TCF12: variants seen among roughly 807,000 people sequenced by gnomAD.
TCF12 encodes the protein DNA-binding protein HTF4.
TCF12 carries 45 observed loss-of-function variants against 86.0 expected under a neutral mutation model. The observed-to-expected ratio is 0.52, with a 90% CI of 0.41 to 0.67. The LOEUF (loss-of-function observed/expected upper bound fraction) is 0.67, where lower values mean the gene tolerates loss of function less well. TCF12 is among the 30% of genes least tolerant of loss of function. The pLI, the probability that TCF12 is intolerant of heterozygous loss-of-function variation, is 0.00. For missense variants in TCF12, 881 were observed against 859.9 expected, an observed-to-expected ratio of 1.02 and a Z score of -0.31; for synonymous variants, 330 against 299.6, an observed-to-expected ratio of 1.10 and a Z score of -1.05.
At chr15:56,951,699 G>A (rs1242315524) in intron 3 of TCF12, among the ~76,000 whole-genome samples, 1 of 152,118 alleles carries the variant, frequency 6.6e-6, no homozygotes, top group African/African-American at 2.4e-5. Context: ...GCTCAGGCTG[G>A]AGTGCAATGG....
chr15:57,179,175 C>CT (rs1439048412), intron 6 of TCF12, among the ~76,000 whole-genome samples: 4 of 152,008 alleles, frequency 2.6e-5, no homozygotes, highest in East Asian at 1.9e-4. Context: ...AGTTTATTTT[C>CT]TTTTTTTGTG....
chr15:57,182,543 A>G (rs1294076217), intron 6 of TCF12, among the ~76,000 whole-genome samples: 5 of 152,110 alleles, frequency 3.3e-5, no homozygotes, highest in African/African-American at 9.7e-5. Flanking sequence ...AATTTTTTCT[A>G]TATTTACTTT....
intron 5 of TCF12, among the ~76,000 whole-genome samples, chr15:57,132,141 C>A (rs765448846): frequency 6.6e-6 from 1 of 152,026 alleles, no homozygotes; most frequent in African/African-American, 2.4e-5. Flanking sequence ...ACAGAGCAAG[C>A]CCCCTCACTA....
intron 4 of TCF12, among the ~76,000 whole-genome samples, chr15:57,087,840 G>A (rs757043637): frequency 1.3e-5 from 2 of 152,132 alleles, no homozygotes; most frequent in African/African-American, 4.8e-5. Context: ...TGGCTAAAAG[G>A]CTGGTGTAAT....
intron 3 of TCF12, among the ~76,000 whole-genome samples, chr15:56,957,677 AATTG>A (rs1312432487): frequency 4.6e-5 from 7 of 152,132 alleles, no homozygotes; most frequent in South Asian, 2.1e-4. Flanking sequence ...GCTTAGATTT[AATTG>A]ATTAATTTTG....
chr15:57,248,114 T>C, intron 13 of TCF12: 1 of 702,350 alleles, frequency 1.4e-6, no homozygotes, highest in Middle Eastern at 2.3e-4. Flanking sequence ...TTTGAGAGTC[T>C]TTTAAAAATT....
At chr15:56,996,449 AAGAATGAAAC>A (rs1303883393) in intron 3 of TCF12, among the ~76,000 whole-genome samples, 1 of 152,224 alleles carries the variant, frequency 6.6e-6, no homozygotes, top group African/African-American at 2.4e-5. Context: ...CCATATGTAG[AAGAATGAAAC>A]TAGACCCCTA....
At chr15:57,138,407 A>C (rs1378650367) in intron 5 of TCF12, among the ~76,000 whole-genome samples, 1 of 152,174 alleles carries the variant, frequency 6.6e-6, no homozygotes, top group African/African-American at 2.4e-5. Context: ...CCTGTTAACC[A>C]TTCCTGGCTT....
chr15:57,274,675 C>T (rs1419837040), intron 19 of TCF12, among the ~76,000 whole-genome samples: 1 of 152,106 alleles, frequency 6.6e-6, no homozygotes, highest in African/African-American at 2.4e-5. Flanking sequence ...TACACTCATC[C>T]TCCTCTTCTT....
At chr15:56,930,588 T>C (rs1752542964) in intron 3 of TCF12, among the ~76,000 whole-genome samples, 1 of 152,218 alleles carries the variant, frequency 6.6e-6, no homozygotes, top group Non-Finnish European at 1.5e-5. Flanking sequence ...ATGTTGAATC[T>C]CTTGATAGGA....
intron 4 of TCF12, among the ~76,000 whole-genome samples, chr15:57,073,893 C>T (rs1317729294): frequency 2.0e-5 from 3 of 152,024 alleles, no homozygotes; most frequent in African/African-American, 4.8e-5. Context: ...GGACTACAGG[C>T]GCCCACCACC....
chr15:57,064,378 A>G (rs1323871781), intron 4 of TCF12, among the ~76,000 whole-genome samples: 1 of 152,204 alleles, frequency 6.6e-6, no homozygotes, highest in Non-Finnish European at 1.5e-5. Context: ...AACAAAAACA[A>G]AAACAAAAAA....
intron 18 of TCF12, 93 bp downstream of exon 18, chr15:57,263,367 C>A: frequency 7.7e-7 from 1 of 1,304,388 alleles, no homozygotes; most frequent in Non-Finnish European, 1.1e-6. Context: ...TAACTGTCAG[C>A]TATGTTCTAG....
At chr15:56,984,550 A>G (rs920717737) in intron 3 of TCF12, among the ~76,000 whole-genome samples, 30 of 152,186 alleles carry the variant, frequency 2.0e-4, no homozygotes, top group Non-Finnish European at 4.4e-4. Context: ...GTACCGTACA[A>G]AATAATGGTA....
intron 3 of TCF12, among the ~76,000 whole-genome samples, chr15:56,944,244 G>T (rs983686247): frequency 6.6e-6 from 1 of 152,076 alleles, no homozygotes; most frequent in East Asian, 1.9e-4. Context: ...ACTTTATCTT[G>T]TCTCTTGCAG....
intron 3 of TCF12, among the ~76,000 whole-genome samples, chr15:56,947,134 A>T (rs776424151): frequency 6.6e-6 from 1 of 152,154 alleles, no homozygotes; most frequent in African/African-American, 2.4e-5. Flanking sequence ...GTTTAGCTCT[A>T]TTGCTAAGCA....
chr15:56,936,295 A>G (rs373098845), intron 3 of TCF12, among the ~76,000 whole-genome samples: 19 of 151,984 alleles, frequency 1.3e-4, no homozygotes, highest in East Asian at 7.7e-4. Flanking sequence ...AGAATTGTCT[A>G]TTCATGTCCT....
At chr15:57,138,817 G>A (rs1243737686) in intron 5 of TCF12, among the ~76,000 whole-genome samples, 7 of 152,176 alleles carry the variant, frequency 4.6e-5, no homozygotes, top group East Asian at 1.9e-4. Flanking sequence ...TTTTTTAAGC[G>A]CGTGCTACCA....
intron 3 of TCF12, among the ~76,000 whole-genome samples, chr15:57,005,797 T>C (rs1369369576): frequency 6.6e-6 from 1 of 152,120 alleles, no homozygotes; most frequent in Non-Finnish European, 1.5e-5. Flanking sequence ...CTCGAACTCC[T>C]GACCTCAACC....
Sources: gnomAD v4.1 joint callset for allele counts (sites outside exome capture counted in the v4.1 genomes callset) on GRCh38, gnomAD v4.1.1 for gene constraint, MANE v1.5 for transcripts, NCBI Gene and HGNC (gene_info 2026-07-23, HGNC 2026-07-21) for gene names.